The following SYT1 variants were observed in gnomAD, a reference collection of about 807,000 sequenced individuals.
SYT1 encodes synaptotagmin-1.
A neutral mutation model predicts 44.8 loss-of-function variants in SYT1; 8 were observed. The observed-to-expected ratio is 0.18, with a 90% CI of 0.10 to 0.32. The LOEUF (loss-of-function observed/expected upper bound fraction) is 0.32. SYT1 is among the 10% of genes least tolerant of loss of function. The probability of loss-of-function intolerance (pLI) is 1.00; values close to 1 mark genes in which losing one functional copy is unlikely to be tolerated. For missense variants in SYT1, 286 were observed against 509.3 expected, an observed-to-expected ratio of 0.56 and a Z score of 4.22; for synonymous variants, 154 against 188.8, an observed-to-expected ratio of 0.82 and a Z score of 1.51.
intron 3 of SYT1, among the ~76,000 whole-genome samples, chr12:79,060,919 A>G (rs543254806): frequency 6.6e-6 from 1 of 152,216 alleles, no homozygotes; most frequent in Non-Finnish European, 1.5e-5. Flanking sequence ...AAGATAATTT[A>G]GGATTTATGA....
intron 3 of SYT1, among the ~76,000 whole-genome samples, chr12:79,054,633 CA>C (rs1374220011): frequency 1.3e-5 from 2 of 151,866 alleles, no homozygotes; most frequent in African/African-American, 4.8e-5. Flanking sequence ...CTTTATTCAA[CA>C]GCTGCTATTG....
At chr12:79,016,113 T>C (rs1440045800) in intron 2 of SYT1, among the ~76,000 whole-genome samples, 1 of 152,166 alleles carries the variant, frequency 6.6e-6, no homozygotes, top group Non-Finnish European at 1.5e-5. Context: ...CTAAATTTTG[T>C]GTGTAATGAA....
intron 8 of SYT1, among the ~76,000 whole-genome samples, chr12:79,332,194 T>C (rs1881885748): frequency 6.6e-6 from 1 of 152,198 alleles, no homozygotes; most frequent in South Asian, 2.1e-4. Flanking sequence ...ATACCTATTT[T>C]CTTTCTTTGT....
chr12:79,432,050 C>T (rs1285011974), intron 9 of SYT1, among the ~76,000 whole-genome samples: 1 of 152,032 alleles, frequency 6.6e-6, no homozygotes, highest in Non-Finnish European at 1.5e-5. Flanking sequence ...AATGAAATAT[C>T]TCTCTGGAAG....
intron 3 of SYT1, among the ~76,000 whole-genome samples, chr12:79,170,473 A>AT (rs1424312127): frequency 6.6e-6 from 1 of 151,624 alleles, no homozygotes; most frequent in Admixed American, 6.6e-5. Context: ...TTTTTATATG[A>AT]TTTTTGGCCA....
chr12:79,046,360 A>AT (rs1438884178), intron 2 of SYT1: 17 of 152,218 alleles, frequency 1.1e-4, no homozygotes, highest in Non-Finnish European at 2.9e-5. Context: ...CATACTTATT[A>AT]TAAGACCTAT....
chr12:79,141,372 A>G (rs1424547273), intron 3 of SYT1, among the ~76,000 whole-genome samples: 1 of 152,054 alleles, frequency 6.6e-6, no homozygotes, highest in African/African-American at 2.4e-5. Context: ...AATAATGCGT[A>G]TTTGTATCTC....
At chr12:79,037,876 G>A (rs1043401804) in intron 2 of SYT1, among the ~76,000 whole-genome samples, 13 of 151,744 alleles carry the variant, frequency 8.6e-5, no homozygotes, top group African/African-American at 3.1e-4. Flanking sequence ...TTCTATAGCT[G>A]TAGACACAAT....
At chr12:78,890,623 C>T (rs1875001615) in intron 1 of SYT1, among the ~76,000 whole-genome samples, 1 of 151,836 alleles carries the variant, frequency 6.6e-6, no homozygotes, top group Non-Finnish European at 1.5e-5. Flanking sequence ...TCTTCCTCCT[C>T]GCTCCTTTTT....
chr12:79,356,686 T>A (rs1300284050), intron 9 of SYT1, among the ~76,000 whole-genome samples: 6 of 152,194 alleles, frequency 3.9e-5, no homozygotes, highest in Non-Finnish European at 8.8e-5. Context: ...TTAAACTCCA[T>A]CTGCCACTAA....
chr12:79,090,558 T>G (rs968489765), intron 3 of SYT1, among the ~76,000 whole-genome samples: 2 of 151,986 alleles, frequency 1.3e-5, no homozygotes, highest in African/African-American at 4.8e-5. Context: ...TTCTAGATAA[T>G]AAGTTGGTTT....
chr12:78,936,165 A>G (rs1878046199), intron 1 of SYT1, among the ~76,000 whole-genome samples: 1 of 152,190 alleles, frequency 6.6e-6, no homozygotes, highest in South Asian at 2.1e-4. Context: ...ACAAAGAATT[A>G]CACTTTAAAG....
At chr12:78,934,366 A>G (rs975217539) in intron 1 of SYT1, among the ~76,000 whole-genome samples, 7 of 151,972 alleles carry the variant, frequency 4.6e-5, no homozygotes, top group African/African-American at 1.7e-4. Flanking sequence ...ACAAAAACAA[A>G]CAAACAAACA....
intron 1 of SYT1, among the ~76,000 whole-genome samples, chr12:78,872,186 T>C (rs1163948604): frequency 6.6e-6 from 1 of 151,898 alleles, no homozygotes; most frequent in Non-Finnish European, 1.5e-5. Context: ...TACCCTTAAA[T>C]TGACAAAACT....
At chr12:78,870,876 G>C (rs147825989) in intron 1 of SYT1, among the ~76,000 whole-genome samples, 2 of 152,108 alleles carry the variant, frequency 1.3e-5, no homozygotes, top group Non-Finnish European at 2.9e-5. Flanking sequence ...AAGGCAAAAG[G>C]ACATGAATAC....
chr12:78,916,630 T>C (rs1354828568), intron 1 of SYT1, among the ~76,000 whole-genome samples: 4 of 151,988 alleles, frequency 2.6e-5, no homozygotes, highest in African/African-American at 9.7e-5. Flanking sequence ...CCTTTATTTA[T>C]AAAGGACTTG....
chr12:78,899,862 T>G (rs1875566647), intron 1 of SYT1, among the ~76,000 whole-genome samples: 1 of 152,060 alleles, frequency 6.6e-6, no homozygotes, highest in Non-Finnish European at 1.5e-5. Context: ...TAACACAAAA[T>G]ATTTTCCAAG....
intron 2 of SYT1, among the ~76,000 whole-genome samples, chr12:79,032,985 G>A (rs1872916951): frequency 6.6e-6 from 1 of 151,302 alleles, no homozygotes. Context: ...TATATCAGAA[G>A]ACCAAAAACT....
chr12:78,901,820 C>T (rs1875681621), intron 1 of SYT1, among the ~76,000 whole-genome samples: 1 of 152,078 alleles, frequency 6.6e-6, no homozygotes, highest in South Asian at 2.1e-4. Flanking sequence ...GGAGAGTACT[C>T]TTAATGGATG....
Sources: gnomAD v4.1 joint callset for allele counts (sites outside exome capture counted in the v4.1 genomes callset) on GRCh38, gnomAD v4.1.1 for gene constraint, MANE v1.5 for transcripts, NCBI Gene and HGNC (gene_info 2026-07-23, HGNC 2026-07-21) for gene names.